Variants in MDM4 observed in about 807,000 individuals in gnomAD.
MDM4 encodes the protein protein Mdm4.
MDM4 carries 2 observed loss-of-function variants against 60.2 expected under a neutral mutation model. The ratio of observed to expected loss-of-function variants is 0.03; its 90% CI spans 0.01 to 0.10. The LOEUF (loss-of-function observed/expected upper bound fraction) is 0.10, where lower values mean the gene tolerates loss of function less well. Among genes scored for constraint, MDM4 ranks in the 10% least tolerant of loss-of-function variants. The probability of loss-of-function intolerance (pLI) is 1.00; values close to 1 mark genes in which losing one functional copy is unlikely to be tolerated. For synonymous variants in MDM4, 202 were observed against 198.1 expected (o/e 1.02, Z -0.17); for missense variants, 447 against 577.5 (o/e 0.77, Z 2.32).
chr1:204,549,834 A>G lies in MDM4; in HGVS notation c.*152A>G, dbSNP rs1449184790. The G allele has an allele frequency of 3.6e-6, 2 of 556,052 alleles. No homozygotes were observed. The highest frequency in any genetic ancestry group is 6.2e-6 in the Non-Finnish European group (2 of 322,834). 34.4% of individuals were successfully genotyped at this position (556,052 alleles called of 1,614,324 possible). A position where few individuals can be genotyped will look rare whatever the true frequency, so the allele number is the denominator to read the frequency against. On this transcript the variant is annotated 3_prime_UTR_variant, in exon 11 of 11. Coordinates refer to ENST00000367182, the MANE Select transcript of MDM4 (RefSeq NM_002393.5). The stretch of plus-strand genomic sequence containing the variant: ...TGTAAGAAAAATACTGGAGCTAACA[A>G]TGAAGAACAGAAGTAATCTGATTAG...
chr1:204,547,749 G>A (rs1164686494), intron 10 of MDM4, among the ~76,000 whole-genome samples: 1 of 152,170 alleles, frequency 6.6e-6, no homozygotes, highest in Non-Finnish European at 1.5e-5. Flanking sequence ...TTGAGATGGA[G>A]TTTCACTCTT....
chr1:204,538,202 C>T lies in MDM4; in HGVS notation c.412-7C>T, dbSNP rs2102395555. On this transcript the variant is annotated splice_polypyrimidine_tract_variant and splice_region_variant and intron_variant, in intron 6 of 10. Coordinates refer to ENST00000367182, the MANE Select transcript of MDM4 (RefSeq NM_002393.5). ...CTGCACTGATGGACACCTTTCCCTT[C>T]TTTCAGCAAAGTGCAGAGGAAAGTT... 6.4e-7 allele frequency: 1 copy of T among 1,564,160 alleles called. No homozygotes were observed. The highest frequency in any genetic ancestry group is 8.8e-7 in the Non-Finnish European group (1 of 1,135,216).
At chr1:204,518,285 A>G (rs1659199882) in intron 1 of MDM4, among the ~76,000 whole-genome samples, 1 of 152,190 alleles carries the variant, frequency 6.6e-6, no homozygotes, top group South Asian at 2.1e-4. Flanking sequence ...CCTCCGGAAT[A>G]GCTGGGACTA....
chr1:204,543,999 A>T (rs960992819), intron 8 of MDM4, among the ~76,000 whole-genome samples: 1 of 152,202 alleles, frequency 6.6e-6, no homozygotes, highest in Non-Finnish European at 1.5e-5. Context: ...GTCTCTCATG[A>T]ATGTTGTAGA....
At position 204,557,048 on chromosome 1, in the gene MDM4, A is replaced by G. The variant is rs1355022604; in HGVS notation, c.*7366A>G. On this transcript the variant is annotated 3_prime_UTR_variant, in exon 11 of 11. Coordinates refer to ENST00000367182, the MANE Select transcript of MDM4 (RefSeq NM_002393.5). ...GCAGTATACATACCTACCCTTTTCT[A>G]CCTCATCATTTGTTGTAGGGATTAA... is the stretch of plus-strand genomic sequence containing the variant. 2 of 203,140 alleles carry G rather than the reference A, an allele frequency of 9.8e-6. No homozygotes were observed. Among genetic ancestry groups the G allele is most frequent in the African/African-American group, 2.3e-5 (1 of 43,556 alleles). 12.6% of individuals were successfully genotyped at this position (203,140 alleles called of 1,614,324 possible). A position where few individuals can be genotyped will look rare whatever the true frequency, so the allele number is the denominator to read the frequency against.
chr1:204,540,434 A>G (rs1179905775), intron 7 of MDM4, among the ~76,000 whole-genome samples: 3 of 152,088 alleles, frequency 2.0e-5, no homozygotes, highest in African/African-American at 7.2e-5. Context: ...TGGTCAGGCT[A>G]ATGAGTTCAT....
Position 204,525,681 on chromosome 1 carries a change from C to G in MDM4, c.78+85C>G, listed in dbSNP as rs1660066153. ...TTTAGCTGTCTCATGACTGTAATCC[C>G]AGCACTTTGAGAAGTCAAGGCAGGA... is the stretch of plus-strand genomic sequence containing the variant. On this transcript the variant is annotated intron_variant, in intron 2 of 10. Coordinates refer to ENST00000367182, the MANE Select transcript of MDM4 (RefSeq NM_002393.5). 3 of 921,458 alleles carry G rather than the reference C, an allele frequency of 3.3e-6. No individual in the cohort carries two copies. The South Asian group carries it at 4.8e-5, about 15-fold the overall frequency. The allele number at this position is 921,458 out of a possible 1,614,324, so 57.1% of individuals were successfully genotyped here.
chr1:204,541,522 C>T (rs892804389), intron 7 of MDM4, among the ~76,000 whole-genome samples: 1 of 151,946 alleles, frequency 6.6e-6, no homozygotes, highest in Non-Finnish European at 1.5e-5. Flanking sequence ...TTAAGAATAG[C>T]CAACTCAAGG....
intron 3 of MDM4, chr1:204,529,311 A>G (rs1292409427): frequency 6.5e-6 from 5 of 768,784 alleles, no homozygotes; most frequent in Non-Finnish European, 1.2e-5. Context: ...AGCCACTGTG[A>G]TCAGAGTCAC....
Position 204,556,921 on chromosome 1 carries a change from C to T in MDM4, c.*7239C>T, listed in dbSNP as rs1663574045. The stretch of plus-strand genomic sequence containing the variant: ...AACCTTGAATATGACTTTCTTTAGT[C>T]TCTAGCTATGCACTATTAAGTGCCT... On this transcript the variant is annotated 3_prime_UTR_variant, in exon 11 of 11. Coordinates refer to ENST00000367182, the MANE Select transcript of MDM4 (RefSeq NM_002393.5). 1 of 208,912 alleles carries T rather than the reference C, an allele frequency of 4.8e-6. No homozygotes were observed. The highest frequency in any genetic ancestry group is 9.7e-6 in the Non-Finnish European group (1 of 102,824). The allele number at this position is 208,912 out of a possible 1,614,324, so 12.9% of individuals were successfully genotyped here.
Position 204,552,965 on chromosome 1 carries a change from TC to T in MDM4, c.*3286del, listed in dbSNP as rs1663334697. 6.2e-6 allele frequency: 1 copy of T among 161,260 alleles called. No individual in the cohort carries two copies. The highest frequency in any genetic ancestry group is 1.3e-5 in the Non-Finnish European group (1 of 74,252). The allele number at this position is 161,260 out of a possible 1,614,324, so 10.0% of individuals were successfully genotyped here. On this transcript the variant is annotated 3_prime_UTR_variant, in exon 11 of 11. Coordinates refer to ENST00000367182, the MANE Select transcript of MDM4 (RefSeq NM_002393.5). ...ATCTCGGCTCACTGCAACCTCTGCC[TC>T]CCGGGTTCAAATGATTCTCCTGCCT...
At chr1:204,517,694 G>C (rs1659131119) in intron 1 of MDM4, among the ~76,000 whole-genome samples, 1 of 152,068 alleles carries the variant, frequency 6.6e-6, no homozygotes. Flanking sequence ...GAGCCACCGT[G>C]CCCGGCCGAA....
chr1:204,526,837 G>C (rs1660232158), intron 3 of MDM4, among the ~76,000 whole-genome samples: 1 of 152,150 alleles, frequency 6.6e-6, no homozygotes, highest in African/African-American at 2.4e-5. Flanking sequence ...CCTAAGAAAG[G>C]AAGTTCTACT....
intron 5 of MDM4, 30 bp from the exon 6 acceptor site, chr1:204,537,399 AG>A (rs754725891): frequency 1.2e-5 from 19 of 1,567,182 alleles, no homozygotes; most frequent in Non-Finnish European, 1.7e-5. Flanking sequence ...TTACCAGGGA[AG>A]GTTTTCCTTT....
intron 7 of MDM4, among the ~76,000 whole-genome samples, chr1:204,540,560 C>G (rs886332155): frequency 6.6e-6 from 1 of 151,658 alleles, no homozygotes; most frequent in Non-Finnish European, 1.5e-5. Context: ...GTCAGGAGTT[C>G]GAGACCAGCC....
chr1:204,518,350 A>C (rs531259737), intron 1 of MDM4, among the ~76,000 whole-genome samples: 1 of 152,314 alleles, frequency 6.6e-6, no homozygotes, highest in African/African-American at 2.4e-5. Flanking sequence ...ACAATCGTTA[A>C]TCTTTAATTA....
At chr1:204,536,263 A>C (rs1244122586) in intron 5 of MDM4, among the ~76,000 whole-genome samples, 1 of 152,212 alleles carries the variant, frequency 6.6e-6, no homozygotes, top group Non-Finnish European at 1.5e-5. Context: ...AACAAACAAA[A>C]AAATTGCTCC....
chr1:204,547,902 T>C (rs1388697086), intron 10 of MDM4, among the ~76,000 whole-genome samples: 1 of 152,220 alleles, frequency 6.6e-6, no homozygotes, highest in Non-Finnish European at 1.5e-5. Flanking sequence ...TTTGTATTTT[T>C]AGTAGAGACG....
In MDM4 at chr1:204,538,297, A is replaced by C; in HGVS notation, c.500A>C (p.His167Pro). 1.3e-6 allele frequency: 2 copies of C among 1,558,112 alleles called. No individual in the cohort carries two copies. Among genetic ancestry groups the C allele is most frequent in the Non-Finnish European group, 1.8e-6 (2 of 1,129,460 alleles). Residue 167 changes from histidine (H) to proline (P), a missense_variant, in exon 7 of 11, where the codon CAT becomes CCT. By Grantham distance (77) the His-to-Pro change is moderately conservative. Around this residue, in one of 8 missense-constraint regions of MDM4, gnomAD observed 184 missense variants for 179.3 expected, o/e 1.03. Transcript: ENST00000367182. ...TLPTSEHKCIHSREDEDLIEN... is the reference protein window; with the variant it reads ...TLPTSEHKCIPSREDEDLIEN... The stretch of plus-strand genomic sequence containing the variant: ...CCTACCTCAGAGCATAAATGCATAC[A>C]TTCTAGAGAAGGTATGTTTTGGATT...
Sources: allele counts gnomAD v4.1 joint callset (sites outside exome capture counted in the v4.1 genomes callset), GRCh38; gene constraint gnomAD v4.1.1; regional missense constraint gnomAD v4.1.1; transcripts MANE v1.5; gene names NCBI Gene and HGNC (gene_info 2026-07-23, HGNC 2026-07-21).